The following PAK5 variants were observed in gnomAD, a reference collection of about 807,000 sequenced individuals.
PAK5 encodes p21 (RAC1) activated kinase 5.
In PAK5, 16 loss-of-function variants were observed where a neutral mutation model predicts 65.9. The observed-to-expected ratio is 0.24, with a 90% CI of 0.16 to 0.37. The LOEUF (loss-of-function observed/expected upper bound fraction) is 0.37, where lower values mean the gene tolerates loss of function less well. PAK5 is among the 10% of genes least tolerant of loss of function. The pLI, the probability that PAK5 is intolerant of heterozygous loss-of-function variation, is 1.00. For synonymous variants in PAK5, 371 were observed against 354.9 expected (o/e 1.05, Z -0.51); for missense variants, 785 against 903.9 (o/e 0.87, Z 1.69).
chr20:9,679,777 A>C (rs2047624705), intron 2 of PAK5, among the ~76,000 whole-genome samples: 2 of 152,232 alleles, frequency 1.3e-5, no homozygotes, highest in South Asian at 4.1e-4. Flanking sequence ...GATTTCAAAT[A>C]AAATCCCAAC....
intron 3 of PAK5, among the ~76,000 whole-genome samples, chr20:9,595,399 C>T (rs1362656800): frequency 6.6e-6 from 1 of 152,096 alleles, no homozygotes; most frequent in African/African-American, 2.4e-5. Context: ...TGAATAATCC[C>T]ATTGATTCCC....
chr20:9,549,524 T>C (rs890107000), intron 7 of PAK5, among the ~76,000 whole-genome samples: 4 of 152,112 alleles, frequency 2.6e-5, no homozygotes, highest in African/African-American at 7.2e-5. Context: ...CCAACTAGCA[T>C]GAAAATCTTG....
At chr20:9,584,811 C>T (rs941691799) in intron 3 of PAK5, among the ~76,000 whole-genome samples, 2 of 152,192 alleles carry the variant, frequency 1.3e-5, no homozygotes. Context: ...AGAAATTATA[C>T]TCTTGCACAT....
chr20:9,642,046 CG>C (rs1037191001), intron 3 of PAK5, among the ~76,000 whole-genome samples: 2 of 152,098 alleles, frequency 1.3e-5, no homozygotes, highest in East Asian at 1.9e-4. Context: ...CACAGTGCAG[CG>C]GGGGGGCTGA....
In PAK5 at chr20:9,729,596, G is replaced by A. The variant is rs73895967; in HGVS notation, c.-161-18161C>T. On this transcript the variant is annotated intron_variant, in intron 1 of 9. Coordinates refer to ENST00000353224, the MANE Select transcript of PAK5 (RefSeq NM_177990.4). ...TAGGGAAAGCTCATTAGAATGAGAC[G>A]GCAGGCTGAATGAGCCCTATTTGAT... 6.3e-3 allele frequency among the ~76,000 whole-genome samples: 962 copies of A among 152,228 alleles called. 16 individuals are homozygous for A. The highest frequency in any genetic ancestry group is 0.022 in the African/African-American group (915 of 41,542).
At chr20:9,594,513 T>C (rs2046229512) in intron 3 of PAK5, among the ~76,000 whole-genome samples, 1 of 152,222 alleles carries the variant, frequency 6.6e-6, no homozygotes, top group Non-Finnish European at 1.5e-5. Flanking sequence ...TGCTGATTTG[T>C]TTCTGAATTA....
At chr20:9,642,957 G>A (rs2047088830) in intron 3 of PAK5, among the ~76,000 whole-genome samples, 1 of 152,194 alleles carries the variant, frequency 6.6e-6, no homozygotes, top group Non-Finnish European at 1.5e-5. Context: ...AGAATAGAAT[G>A]ACCAGCACTG....
chr20:9,817,868 C>T (rs1156296001), intron 1 of PAK5, among the ~76,000 whole-genome samples: 1 of 152,160 alleles, frequency 6.6e-6, no homozygotes, highest in Non-Finnish European at 1.5e-5. Context: ...TGAGGTCACA[C>T]CTGGTGAAGG....
At chr20:9,800,585 T>C (rs1339225898) in intron 1 of PAK5, among the ~76,000 whole-genome samples, 1 of 152,132 alleles carries the variant, frequency 6.6e-6, no homozygotes, top group Non-Finnish European at 1.5e-5. Flanking sequence ...ACACTGGTAC[T>C]ACTGTTTGAA....
intron 2 of PAK5, among the ~76,000 whole-genome samples, chr20:9,654,651 C>T (rs538966358): frequency 2.0e-5 from 3 of 152,166 alleles, no homozygotes; most frequent in African/African-American, 4.8e-5. Context: ...GACTTCTCAC[C>T]GACCTTAAAA....
intron 4 of PAK5, among the ~76,000 whole-genome samples, chr20:9,577,891 A>G (rs1038941868): frequency 2.6e-5 from 4 of 152,056 alleles, no homozygotes; most frequent in Non-Finnish European, 4.4e-5. Context: ...TAGTTTGTGC[A>G]TTGTTTCTGG....
intron 8 of PAK5, 66 bp downstream of exon 8, chr20:9,544,303 C>G (rs1368215544): frequency 3.8e-6 from 6 of 1,564,112 alleles, no homozygotes; most frequent in Non-Finnish European, 4.4e-6. Flanking sequence ...CACCAACTAT[C>G]TCAGAACCAA....
intron 3 of PAK5, among the ~76,000 whole-genome samples, chr20:9,604,153 A>G (rs2046409477): frequency 6.6e-6 from 1 of 152,174 alleles, no homozygotes. Flanking sequence ...GGAGTGGCCA[A>G]CCTGATTAGT....
rs116005116 is a variant in PAK5, at chr20:9,822,984, A to T, written c.-162+15778T>A. Among the ~76,000 whole-genome samples, 1,029 of 152,336 alleles carry T rather than the reference A, an allele frequency of 6.8e-3. 13 individuals are homozygous for T. Among genetic ancestry groups the T allele is most frequent in the African/African-American group, 0.024 (977 of 41,570 alleles). ...CCTTTCTGCTATGATTTAGATGTACATGTCCCTCTGAAATTCACATGTTGG... is the reference window on the plus strand; with the variant it reads ...CCTTTCTGCTATGATTTAGATGTACTTGTCCCTCTGAAATTCACATGTTGG... On this transcript the variant is annotated intron_variant, in intron 1 of 9. Transcript: ENST00000353224.
chr20:9,681,883 TAAAC>T (rs2047654458), intron 2 of PAK5, among the ~76,000 whole-genome samples: 1 of 152,216 alleles, frequency 6.6e-6, no homozygotes, highest in African/African-American at 2.4e-5. Flanking sequence ...TGTTAGTCTA[TAAAC>T]ACCTCCGTTT....
chr20:9,813,933 CA>C (rs2049326996), intron 1 of PAK5, among the ~76,000 whole-genome samples: 1 of 151,992 alleles, frequency 6.6e-6, no homozygotes, highest in African/African-American at 2.4e-5. Context: ...TGTTAACCTT[CA>C]AAAAATTACT....
intron 2 of PAK5, among the ~76,000 whole-genome samples, chr20:9,693,754 G>A (rs570597967): frequency 3.9e-5 from 6 of 152,122 alleles, no homozygotes; most frequent in Non-Finnish European, 7.4e-5. Context: ...TACGCATTAC[G>A]ACCAGCTGCC....
chr20:9,650,700 G>C (rs1418084234), intron 2 of PAK5, among the ~76,000 whole-genome samples: 3 of 151,992 alleles, frequency 2.0e-5, no homozygotes, highest in Non-Finnish European at 4.4e-5. Context: ...AACCCTTCTG[G>C]AGTGCACCTT....
At chr20:9,579,980 C>T (rs533364136) in intron 4 of PAK5, among the ~76,000 whole-genome samples, 165 bp downstream of exon 4, 1 of 152,170 alleles carries the variant, frequency 6.6e-6, no homozygotes, top group South Asian at 2.1e-4. Flanking sequence ...TATCCTAAAC[C>T]TCTGCCCTGG....
Sources: allele counts gnomAD v4.1 joint callset (sites outside exome capture counted in the v4.1 genomes callset), GRCh38; gene constraint gnomAD v4.1.1; transcripts MANE v1.5; gene names NCBI Gene and HGNC (gene_info 2026-07-23, HGNC 2026-07-21).